Variants in HMCN1 observed in about 807,000 individuals in gnomAD.
HMCN1 encodes the protein hemicentin-1.
Under a neutral mutation model 625.9 loss-of-function variants are expected in HMCN1, and 321 were observed. The observed-to-expected ratio is 0.51, with a 90% CI of 0.47 to 0.56. The LOEUF (loss-of-function observed/expected upper bound fraction) is 0.56, where lower values mean the gene tolerates loss of function less well. Ranked by LOEUF, HMCN1 falls within the 20% of genes least tolerant of loss-of-function variation. The pLI, the probability that HMCN1 is intolerant of heterozygous loss-of-function variation, is 0.00. For missense variants in HMCN1, 6,588 were observed against 6,887.3 expected (o/e 0.96, Z 1.54); for synonymous variants, 2,425 against 2,417.6 (o/e 1.00, Z -0.09).
At chr1:186,091,092 TAGAG>T (rs1659817725) in intron 64 of HMCN1, among the ~76,000 whole-genome samples, 175 bp downstream of exon 64, 1 of 152,026 alleles carries the variant, frequency 6.6e-6, no homozygotes, top group East Asian at 1.9e-4. Context: ...ACATTCTCGT[TAGAG>T]AGTCACTCAG....
At chr1:186,025,197 G>A (rs1440795505) in intron 36 of HMCN1, among the ~76,000 whole-genome samples, 1 of 152,098 alleles carries the variant, frequency 6.6e-6, no homozygotes, top group East Asian at 1.9e-4. Context: ...GATCTGATAG[G>A]AGGCAGCGCT....
chr1:185,980,894 A>G, intron 16 of HMCN1, 84 bp from the exon 17 acceptor site: 2 of 866,746 alleles, frequency 2.3e-6, no homozygotes. Flanking sequence ...CACACTTTCC[A>G]TGCACAGATC....
intron 1 of HMCN1, among the ~76,000 whole-genome samples, chr1:185,800,386 G>C (rs938993660): frequency 2.6e-5 from 4 of 152,094 alleles, no homozygotes; most frequent in African/African-American, 7.2e-5. Flanking sequence ...GCCACACCTA[G>C]TCAGTCATCT....
At chr1:185,794,816 C>T (rs1479604392) in intron 1 of HMCN1, among the ~76,000 whole-genome samples, 10 of 130,216 alleles carry the variant, frequency 7.7e-5, no homozygotes, top group Non-Finnish European at 1.4e-4. Context: ...ACCATCACAA[C>T]ATTGATTTAA....
chr1:185,933,737 G>T lies in HMCN1; in HGVS notation c.1741G>T (p.Val581Leu), dbSNP rs1202555814. ...TAATCTGTCATTGGAGCTAAAGAGTGTGAAATTCAACGATGCTGGAGAGTA... is the reference window on the plus strand; with the variant it reads ...TAATCTGTCATTGGAGCTAAAGAGTTTGAAATTCAACGATGCTGGAGAGTA... ...LANLSLELKS[V>L]KFNDAGEYHC... Residue 581 changes from valine to leucine, a missense_variant, in exon 11 of 107, where the codon GTG becomes TTG. Transcript: ENST00000271588. The T allele has an allele frequency of 6.2e-7, 1 of 1,613,850 alleles. No homozygotes were observed.
intron 39 of HMCN1, among the ~76,000 whole-genome samples, chr1:186,040,350 A>T (rs1447460661): frequency 6.6e-6 from 1 of 152,190 alleles, no homozygotes; most frequent in African/African-American, 2.4e-5. Context: ...CACGAGAAAT[A>T]AAATTTGAGT....
In HMCN1 at chr1:186,130,494, TG is replaced by T. The variant is rs1661873175; in HGVS notation, c.13040-12del. ...TTACTTTTACTTTGTACCTGTCTTA[TG>T]TTGTTTTCCAGAACCTCCAGTCTTC... On this transcript the variant is annotated splice_polypyrimidine_tract_variant and intron_variant, in intron 84 of 106. Coordinates refer to ENST00000271588, the MANE Select transcript of HMCN1 (RefSeq NM_031935.3). 5 of 1,611,042 alleles carry T rather than the reference TG, an allele frequency of 3.1e-6. No individual in the cohort carries two copies. Among genetic ancestry groups the T allele is most frequent in the Non-Finnish European group, 4.2e-6 (5 of 1,177,424 alleles).
chr1:186,008,131 C>G (rs902914190), intron 30 of HMCN1, among the ~76,000 whole-genome samples: 2 of 152,110 alleles, frequency 1.3e-5, no homozygotes, highest in African/African-American at 4.8e-5. Context: ...TGATCTATTT[C>G]TTTCCCAGGA....
chr1:186,052,875 CT>C, intron 42 of HMCN1, 76 bp from the exon 43 acceptor site: 2 of 1,259,148 alleles, frequency 1.6e-6, no homozygotes, highest in South Asian at 1.2e-5. Flanking sequence ...GAGTAGAAGC[CT>C]TTTATCTTAC....
At chr1:185,993,416 T>A in intron 23 of HMCN1, 107 bp downstream of exon 23, 1 of 1,271,766 alleles carries the variant, frequency 7.9e-7, no homozygotes, top group South Asian at 1.3e-5. Flanking sequence ...ATAGAGTGAT[T>A]AAAGAAAAAA....
At chr1:186,160,716 T>C (rs1651400898) in intron 97 of HMCN1, among the ~76,000 whole-genome samples, 1 of 152,226 alleles carries the variant, frequency 6.6e-6, no homozygotes, top group South Asian at 2.1e-4. Context: ...TCAGTTTCCA[T>C]GTAGTTAAGC....
At chr1:185,963,607 C>A (rs1650187110) in intron 12 of HMCN1, among the ~76,000 whole-genome samples, 161 bp from the exon 13 acceptor site, 1 of 152,006 alleles carries the variant, frequency 6.6e-6, no homozygotes, top group East Asian at 1.9e-4. Flanking sequence ...ATTATTATTG[C>A]ATTTCTGCTT....
intron 81 of HMCN1, among the ~76,000 whole-genome samples, chr1:186,125,327 A>G (rs925005263): frequency 1.3e-5 from 2 of 152,118 alleles, no homozygotes; most frequent in Non-Finnish European, 2.9e-5. Flanking sequence ...CAGGGAAGCC[A>G]AATAAAATCT....
At position 186,053,861 on chromosome 1, in the gene HMCN1, G is replaced by C. The variant is rs1450308181; in HGVS notation, c.6737G>C (p.Arg2246Thr). ...CTGACTGATTCCATGGGGCGAGTTAGAATTTTATCTGGGGGCAGGCAATTA... is the reference window on the plus strand; with the variant it reads ...CTGACTGATTCCATGGGGCGAGTTACAATTTTATCTGGGGGCAGGCAATTA... The part of the protein sequence containing the change: ...PVLTDSMGRV[R>T]ILSGGRQLQI... The change falls in exon 44 of 107, where the codon AGA (arginine) becomes ACA (threonine). Residue 2246 changes from arginine to threonine, a missense_variant. By Grantham distance (71) the Arg-to-Thr change is moderately conservative. Around this residue, in one of 3 missense-constraint regions of HMCN1, gnomAD observed 4,628 missense variants for 4,853.1 expected, o/e 0.95. Coordinates refer to ENST00000271588, the MANE Select transcript of HMCN1 (RefSeq NM_031935.3). 1 of 1,612,708 alleles carries C rather than the reference G, an allele frequency of 6.2e-7. No homozygotes were observed. Among genetic ancestry groups the C allele is most frequent in the Non-Finnish European group, 8.5e-7 (1 of 1,179,176 alleles).
intron 97 of HMCN1, among the ~76,000 whole-genome samples, chr1:186,155,626 G>A (rs891538015): frequency 3.3e-5 from 5 of 152,072 alleles, no homozygotes; most frequent in Non-Finnish European, 7.4e-5. Flanking sequence ...AAAGATCTTT[G>A]TACCGTCTTT....
intron 30 of HMCN1, among the ~76,000 whole-genome samples, chr1:186,014,273 A>G (rs887023756): frequency 2.0e-5 from 3 of 151,608 alleles, no homozygotes; most frequent in African/African-American, 7.3e-5. Flanking sequence ...GTAAGATTAT[A>G]TTGATACTTA....
At chr1:186,164,667 C>T (rs556430345) in intron 97 of HMCN1, among the ~76,000 whole-genome samples, 1 of 152,216 alleles carries the variant, frequency 6.6e-6, no homozygotes, top group Admixed American at 6.5e-5. Context: ...GCGGGAGATC[C>T]ACAAAAGGAG....
intron 34 of HMCN1, among the ~76,000 whole-genome samples, chr1:186,019,069 T>A (rs1654549588): frequency 4.6e-5 from 7 of 152,068 alleles, no homozygotes; most frequent in Admixed American, 4.6e-4. Context: ...TAGATAACCC[T>A]GTTTTTCAGT....
At chr1:186,166,416 G>C in intron 99 of HMCN1, 113 bp downstream of exon 99, 1 of 1,341,068 alleles carries the variant, frequency 7.5e-7, no homozygotes, top group Non-Finnish European at 1.0e-6. Flanking sequence ...CCACACCTTG[G>C]CAACAAACAA....
Sources: allele counts gnomAD v4.1 joint callset (sites outside exome capture counted in the v4.1 genomes callset), GRCh38; gene constraint gnomAD v4.1.1; regional missense constraint gnomAD v4.1.1; transcripts MANE v1.5; gene names NCBI Gene and HGNC (gene_info 2026-07-23, HGNC 2026-07-21).